DSCAM: variants seen among roughly 807,000 people sequenced by gnomAD.
The protein encoded by DSCAM is DS cell adhesion molecule.
Under a neutral mutation model 217.7 loss-of-function variants are expected in DSCAM, and 47 were observed. The observed-to-expected ratio is 0.22, with a 90% CI of 0.17 to 0.28. The LOEUF (loss-of-function observed/expected upper bound fraction) is 0.28, where lower values mean the gene tolerates loss of function less well. Ranked by LOEUF, DSCAM falls within the 10% of genes least tolerant of loss-of-function variation. DSCAM has a pLI of 1.00. For missense variants in DSCAM, 2,080 were observed against 2,618.3 expected (o/e 0.79, Z 4.49); for synonymous variants, 1,056 against 1,015.3 (o/e 1.04, Z -0.76).
In DSCAM at chr21:40,097,884, TG is replaced by T. The variant is rs1349253332; in HGVS notation, c.3697-4011del. ...TGAACCCAGGAGGCGGAGCTTGCAG[TG>T]AGCCAAGATTGTGCCACTGCACTCC... On this transcript the variant is annotated intron_variant, in intron 20 of 32. Transcript: ENST00000400454. Among the ~76,000 whole-genome samples, 94 of 140,938 alleles carry T rather than the reference TG, an allele frequency of 6.7e-4. 1 individual carries two copies. The highest frequency in any genetic ancestry group is 2.4e-3 in the African/African-American group (90 of 37,056). 92.5% of individuals were successfully genotyped at this position (140,938 alleles called of 152,430 possible).
chr21:40,225,892 T>C (rs538999232), intron 11 of DSCAM, among the ~76,000 whole-genome samples: 7 of 152,306 alleles, frequency 4.6e-5, no homozygotes, highest in Non-Finnish European at 7.4e-5. Context: ...TGCTCCACCA[T>C]TGACCAAGAT....
At chr21:40,292,994 C>T (rs549829310) in intron 10 of DSCAM, among the ~76,000 whole-genome samples, 14 of 152,186 alleles carry the variant, frequency 9.2e-5, no homozygotes, top group African/African-American at 3.4e-4. Flanking sequence ...CCTTGGCCTC[C>T]CAAAGTGCTG....
chr21:40,014,853 C>T (rs572436475), intron 32 of DSCAM, among the ~76,000 whole-genome samples: 2 of 152,326 alleles, frequency 1.3e-5, no homozygotes, highest in East Asian at 3.9e-4. Context: ...GTCACCCTGA[C>T]CTCTCATTGC....
chr21:40,463,565 G>A (rs1323610005), intron 3 of DSCAM, among the ~76,000 whole-genome samples: 4 of 152,152 alleles, frequency 2.6e-5, no homozygotes, highest in Non-Finnish European at 4.4e-5. Flanking sequence ...GGCATCCTCT[G>A]TAGACCCAAT....
intron 1 of DSCAM, among the ~76,000 whole-genome samples, chr21:40,780,052 G>C (rs1022656617): frequency 5.9e-5 from 9 of 152,166 alleles, no homozygotes; most frequent in Non-Finnish European, 1.2e-4. Context: ...GGAGCCTAGG[G>C]CTTTCTACAT....
chr21:40,289,899 C>T (rs2073870152), intron 10 of DSCAM, among the ~76,000 whole-genome samples: 1 of 152,112 alleles, frequency 6.6e-6, no homozygotes. Flanking sequence ...ATAAAACAGT[C>T]ACTTGTCTAT....
intron 3 of DSCAM, among the ~76,000 whole-genome samples, chr21:40,687,447 T>C (rs1210010406): frequency 6.6e-6 from 1 of 152,110 alleles, no homozygotes; most frequent in Non-Finnish European, 1.5e-5. Context: ...AAAATCACAA[T>C]AGAAGTGCCA....
At chr21:40,719,204 A>G (rs2090875855) in intron 1 of DSCAM, among the ~76,000 whole-genome samples, 1 of 152,336 alleles carries the variant, frequency 6.6e-6, no homozygotes, top group Admixed American at 6.5e-5. Context: ...AGCACATTAA[A>G]AAGTGCTTCA....
At chr21:40,841,604 G>A (rs907271098) in intron 1 of DSCAM, among the ~76,000 whole-genome samples, 2 of 152,152 alleles carry the variant, frequency 1.3e-5, no homozygotes, top group African/African-American at 4.8e-5. Flanking sequence ...AGCCTTGCCT[G>A]CGGAGATTGA....
chr21:40,224,386 T>A (rs1488403008), intron 11 of DSCAM, among the ~76,000 whole-genome samples: 1 of 152,242 alleles, frequency 6.6e-6, no homozygotes, highest in Non-Finnish European at 1.5e-5. Flanking sequence ...TTTAAGTGAA[T>A]GTTGAGAAGA....
intron 18 of DSCAM, among the ~76,000 whole-genome samples, chr21:40,141,790 G>A (rs987610301): frequency 2.0e-5 from 3 of 152,082 alleles, no homozygotes; most frequent in East Asian, 1.9e-4. Context: ...CTGCAGCCTC[G>A]CTCTGCCCCA....
At chr21:40,543,514 A>C (rs1287813308) in intron 3 of DSCAM, among the ~76,000 whole-genome samples, 1 of 152,110 alleles carries the variant, frequency 6.6e-6, no homozygotes, top group Non-Finnish European at 1.5e-5. Context: ...TGTCAGGTTG[A>C]ATGGAAATCA....
chr21:40,035,551 C>G (rs1275305555), intron 32 of DSCAM, among the ~76,000 whole-genome samples: 1 of 133,482 alleles, frequency 7.5e-6, no homozygotes, highest in African/African-American at 3.1e-5. Context: ...CTTAGACTCC[C>G]ACACATTAAT....
At chr21:40,032,499 A>G (rs559443356) in intron 32 of DSCAM, among the ~76,000 whole-genome samples, 5 of 152,124 alleles carry the variant, frequency 3.3e-5, no homozygotes, top group Non-Finnish European at 5.9e-5. Context: ...GTCCCTGCAC[A>G]TGGGCCTCTG....
intron 16 of DSCAM, among the ~76,000 whole-genome samples, chr21:40,164,473 A>G (rs2146766576): frequency 1.3e-5 from 2 of 152,298 alleles, no homozygotes; most frequent in Middle Eastern, 6.8e-3. Context: ...TTTTAAAATT[A>G]GAAGCTCTTC....
In DSCAM at chr21:40,600,569, T is replaced by C. The variant is rs534034729; in HGVS notation, c.508+92241A>G. ...TTTGTCCTTTCATTCGTCATACTTT[T>C]GCGGTTGTATCTAAAAAGTCAAAAC... On this transcript the variant is annotated intron_variant, in intron 3 of 32. Transcript: ENST00000400454. Among the ~76,000 whole-genome samples the C allele has an allele frequency of 9.8e-5, 15 of 152,328 alleles. No individual in the cohort carries two copies. In the South Asian group the frequency reaches 2.5e-3, roughly 25 times the overall value.
rs1022586874 is a variant in DSCAM at position 40,208,770 on chromosome 21, G to A, written c.2357-19532C>T. On this transcript the variant is annotated intron_variant, in intron 11 of 32. Transcript: ENST00000400454. ...CCTACACAAAATCCCCTTGGGTTGC[G>A]AAACAGAAATATGGAGAGGCAGCTG... 3.9e-5 allele frequency among the ~76,000 whole-genome samples: 6 copies of A among 152,268 alleles called. No homozygotes were observed. In the South Asian group the frequency reaches 6.2e-4, roughly 16 times the overall value.
At chr21:40,518,138 C>T (rs142211216) in intron 3 of DSCAM, among the ~76,000 whole-genome samples, 1 of 150,290 alleles carries the variant, frequency 6.7e-6, no homozygotes, top group East Asian at 2.0e-4. Context: ...CTGAGTATTC[C>T]TAAACACAGA....
At chr21:40,523,747 T>A (rs1601714218) in intron 3 of DSCAM, among the ~76,000 whole-genome samples, 2 of 152,052 alleles carry the variant, frequency 1.3e-5, no homozygotes, top group African/African-American at 2.4e-5. Context: ...ATTGATCTGA[T>A]ACGCACAAGC....
Sources: gnomAD v4.1 joint callset for allele counts (sites outside exome capture counted in the v4.1 genomes callset) on GRCh38, gnomAD v4.1.1 for gene constraint, MANE v1.5 for transcripts, NCBI Gene and HGNC (gene_info 2026-07-23, HGNC 2026-07-21) for gene names.